AUTS2: variants seen among roughly 807,000 people sequenced by gnomAD.
AUTS2 encodes the protein activator of transcription and developmental regulator AUTS2.
A neutral mutation model predicts 112.4 loss-of-function variants in AUTS2; 17 were observed. The ratio of observed to expected loss-of-function variants is 0.15; its 90% confidence interval spans 0.10 to 0.23. The LOEUF is 0.23. Among genes scored for constraint, AUTS2 ranks in the 10% least tolerant of loss-of-function variants. The probability of loss-of-function intolerance (pLI) is 1.00; values close to 1 mark genes in which losing one functional copy is unlikely to be tolerated. For missense variants in AUTS2, 1,510 were observed against 1,701.6 expected, an observed-to-expected ratio of 0.89 and a Z score of 1.98; for synonymous variants, 751 against 702.7, an observed-to-expected ratio of 1.07 and a Z score of -1.09.
At chr7:69,761,840 C>G (rs1410290069) in intron 1 of AUTS2, among the ~76,000 whole-genome samples, 1 of 152,208 alleles carries the variant, frequency 6.6e-6, no homozygotes, top group Non-Finnish European at 1.5e-5. Flanking sequence ...CTGCCTCCCA[C>G]TGGATCTTTA....
chr7:70,660,597 A>C (rs1807018951), intron 5 of AUTS2, among the ~76,000 whole-genome samples: 1 of 152,210 alleles, frequency 6.6e-6, no homozygotes. Context: ...CACAGCCACT[A>C]CAGTTCCTTC....
At chr7:69,760,847 A>G (rs1406037097) in intron 1 of AUTS2, among the ~76,000 whole-genome samples, 1 of 152,208 alleles carries the variant, frequency 6.6e-6, no homozygotes. Context: ...ATTATAAGTG[A>G]CAGTAAAGCA....
At chr7:70,785,866 G>T in intron 16 of AUTS2, 89 bp from the exon 17 acceptor site, 1 of 1,237,330 alleles carries the variant, frequency 8.1e-7, no homozygotes, top group Non-Finnish European at 1.2e-6. Context: ...AGAGGGCAGG[G>T]ATCCCGCATC....
chr7:70,278,420 G>T lies in AUTS2; in HGVS notation c.660+143849G>T, dbSNP rs569126887. ...CAACATAGTAAAACTTCATCTCTACGAAAAGTACAAAAATTAGCTGGGTGT... is the reference window on the plus strand; with the variant it reads ...CAACATAGTAAAACTTCATCTCTACTAAAAGTACAAAAATTAGCTGGGTGT... On this transcript the variant is annotated intron_variant, in intron 4 of 18. Transcript: ENST00000342771. Among the ~76,000 whole-genome samples the T allele has an allele frequency of 9.6e-4, 146 of 151,970 alleles. 1 individual carries two copies. Among genetic ancestry groups the T allele is most frequent in the African/African-American group, 3.4e-3 (142 of 41,460 alleles).
chr7:69,979,657 A>T (rs12672441), intron 2 of AUTS2, among the ~76,000 whole-genome samples: 1 of 152,112 alleles, frequency 6.6e-6, no homozygotes. Context: ...ACAGGCAGCA[A>T]TTGAGCCACT....
In AUTS2 at chr7:70,465,739, A is replaced by G. The variant is rs907772958; in HGVS notation, c.690+29958A>G. On this transcript the variant is annotated intron_variant, in intron 5 of 18. Transcript: ENST00000342771. ...GGCAGCCTAGTTTCCCTAGACATACAACACGTGTTCTTCTCCAGCAGTGCA... is the reference window on the plus strand; with the variant it reads ...GGCAGCCTAGTTTCCCTAGACATACGACACGTGTTCTTCTCCAGCAGTGCA... Among the ~76,000 whole-genome samples the G allele has an allele frequency of 3.9e-5, 6 of 152,162 alleles. No individual in the cohort carries two copies. In the South Asian group the frequency reaches 6.2e-4, roughly 16 times the overall value.
At chr7:69,937,340 C>T (rs974211680) in intron 2 of AUTS2, among the ~76,000 whole-genome samples, 1 of 152,112 alleles carries the variant, frequency 6.6e-6, no homozygotes, top group Non-Finnish European at 1.5e-5. Context: ...CTTTTCCTGC[C>T]GTCGGAAACC....
intron 1 of AUTS2, among the ~76,000 whole-genome samples, chr7:69,835,122 A>G (rs372054210): frequency 1.3e-5 from 2 of 151,856 alleles, no homozygotes; most frequent in Non-Finnish European, 2.9e-5. Flanking sequence ...AGTCTCTTTT[A>G]TGCTCGTTTT....
At chr7:69,770,856 G>A (rs1562871973) in intron 1 of AUTS2, among the ~76,000 whole-genome samples, 2 of 151,856 alleles carry the variant, frequency 1.3e-5, no homozygotes, top group Admixed American at 6.6e-5. Context: ...TTAACGTTAA[G>A]GATAAATATA....
intron 6 of AUTS2, among the ~76,000 whole-genome samples, chr7:70,740,163 T>G (rs1216097255): frequency 6.6e-6 from 1 of 152,226 alleles, no homozygotes; most frequent in African/African-American, 2.4e-5. Flanking sequence ...GGATTGGTGT[T>G]GCCTTTGACG....
chr7:70,649,378 A>G (rs1806358669), intron 5 of AUTS2, among the ~76,000 whole-genome samples: 1 of 152,202 alleles, frequency 6.6e-6, no homozygotes, highest in Non-Finnish European at 1.5e-5. Context: ...CTGGCCTGGC[A>G]GAGTGAGACC....
At chr7:70,120,737 G>A (rs2129573096) in intron 3 of AUTS2, among the ~76,000 whole-genome samples, 1 of 152,236 alleles carries the variant, frequency 6.6e-6, no homozygotes, top group Admixed American at 6.5e-5. Flanking sequence ...CCATATTCAT[G>A]AATAGAAAGA....
At chr7:70,112,429 T>G (rs1234544256) in intron 2 of AUTS2, among the ~76,000 whole-genome samples, 1 of 152,072 alleles carries the variant, frequency 6.6e-6, no homozygotes, top group African/African-American at 2.4e-5. Context: ...TGTGTCTCTT[T>G]AAGTTACCCA....
chr7:69,723,011 G>A (rs1799044073), intron 1 of AUTS2, among the ~76,000 whole-genome samples: 1 of 152,050 alleles, frequency 6.6e-6, no homozygotes, highest in Non-Finnish European at 1.5e-5. Flanking sequence ...CAGTTGGTGA[G>A]CGCTACCATA....
intron 2 of AUTS2, among the ~76,000 whole-genome samples, chr7:69,996,364 G>C (rs1798942223): frequency 6.6e-6 from 1 of 152,204 alleles, no homozygotes. Flanking sequence ...GTAAAGCCTG[G>C]TTGTGTTCTG....
intron 2 of AUTS2, among the ~76,000 whole-genome samples, chr7:69,908,750 A>T (rs754724881): frequency 5.6e-4 from 86 of 152,240 alleles, no homozygotes; most frequent in Non-Finnish European, 1.6e-4. Flanking sequence ...ATGTATTACA[A>T]ACCTGGACAG....
At chr7:69,914,309 T>C (rs1242947099) in intron 2 of AUTS2, among the ~76,000 whole-genome samples, 1 of 148,532 alleles carries the variant, frequency 6.7e-6, no homozygotes, top group Non-Finnish European at 1.5e-5. Flanking sequence ...CCAACTTTAA[T>C]TGGCTACAAA....
At chr7:70,292,576 A>G (rs1271836768) in intron 4 of AUTS2, 1 of 152,254 alleles carries the variant, frequency 6.6e-6, no homozygotes, top group Non-Finnish European at 1.5e-5. Flanking sequence ...GCAGGACAAA[A>G]TGCATGATTG....
chr7:70,779,413 G>A (rs1301496220), intron 14 of AUTS2, among the ~76,000 whole-genome samples: 1 of 152,222 alleles, frequency 6.6e-6, no homozygotes, highest in Non-Finnish European at 1.5e-5. Flanking sequence ...GTTGCTTAGA[G>A]TTCAGTAATG....
Sources: allele counts gnomAD v4.1 joint callset (sites outside exome capture counted in the v4.1 genomes callset), GRCh38; gene constraint gnomAD v4.1.1; transcripts MANE v1.5; gene names NCBI Gene and HGNC (gene_info 2026-07-23, HGNC 2026-07-21).